Variants in ELF1 observed in about 807,000 individuals in gnomAD.
The protein encoded by ELF1 is ETS-related transcription factor Elf-1.
In ELF1, 24 loss-of-function variants were observed where a neutral mutation model predicts 59.9. That is an observed-to-expected ratio of 0.40 (90% CI 0.29 to 0.56). The LOEUF (loss-of-function observed/expected upper bound fraction) is 0.56, where lower values mean the gene tolerates loss of function less well. Among genes scored for constraint, ELF1 ranks in the 20% least tolerant of loss-of-function variants. ELF1 has a pLI of 0.44. For synonymous variants in ELF1, 248 were observed against 266.2 expected (o/e 0.93, Z 0.67); for missense variants, 627 against 742.2 (o/e 0.84, Z 1.80).
At chr13:41,045,483 T>A (rs1432258711) in intron 1 of ELF1, among the ~76,000 whole-genome samples, 1 of 152,220 alleles carries the variant, frequency 6.6e-6, no homozygotes, top group Non-Finnish European at 1.5e-5. Flanking sequence ...GATTCTGGTA[T>A]GTTGTGTCTT....
At position 40,940,989 on chromosome 13, in the gene ELF1, T is replaced by C. The variant is rs75773811; in HGVS notation, c.1188A>G (p.Pro396=). The C allele has an allele frequency of 3.6e-4, 577 of 1,614,218 alleles. 1 individual carries two copies. In the African/African-American group the frequency reaches 6.1e-3, roughly 17 times the overall value. ...VHVVQPVQAV[P]EGEAARTSTM... is the part of the protein sequence containing the mutation. ...TACTGGTTCTAGCTGCTTCTCCCTC[T>C]GGGACAGCCTGTACTGGCTGTACTA... The change falls in exon 8 of 9, where the codon CCA becomes CCG. Residue 396 remains proline (P), a synonymous_variant. Coordinates refer to ENST00000239882, the MANE Select transcript of ELF1 (RefSeq NM_172373.4).
intron 3 of ELF1, among the ~76,000 whole-genome samples, chr13:40,955,949 G>C (rs1341623315): frequency 1.8e-5 from 2 of 113,068 alleles, no homozygotes; most frequent in South Asian, 3.0e-4. Flanking sequence ...GGAGGGAGGC[G>C]GGGGGGTCAG....
intron 8 of ELF1, among the ~76,000 whole-genome samples, chr13:40,936,769 A>G (rs542533916): frequency 6.7e-6 from 1 of 149,416 alleles, no homozygotes; most frequent in East Asian, 1.9e-4. Flanking sequence ...TCAAAAAAAA[A>G]AAAAAAAAGA....
At chr13:40,970,196 C>T (rs1872441586) in intron 2 of ELF1, among the ~76,000 whole-genome samples, 2 of 152,086 alleles carry the variant, frequency 1.3e-5, no homozygotes, top group African/African-American at 4.8e-5. Flanking sequence ...AGGAAATTAA[C>T]GAACAGCTAA....
At chr13:41,026,180 A>T (rs1263603346) in intron 1 of ELF1, among the ~76,000 whole-genome samples, 1 of 152,198 alleles carries the variant, frequency 6.6e-6, no homozygotes, top group Non-Finnish European at 1.5e-5. Flanking sequence ...AATAAATCTG[A>T]CTAAAATTCA....
At chr13:40,942,803 T>G in intron 7 of ELF1, 149 bp downstream of exon 7, 124 of 812,836 alleles carry the variant, frequency 1.5e-4, no homozygotes, top group Non-Finnish European at 1.8e-4. Flanking sequence ...ATTACAGGCA[T>G]GAGCCACCGC....
intron 2 of ELF1, among the ~76,000 whole-genome samples, chr13:40,960,534 T>C (rs1421888724): frequency 6.6e-6 from 1 of 152,240 alleles, no homozygotes; most frequent in African/African-American, 2.4e-5. Context: ...TTCTTTCAAA[T>C]ATATCATGTC....
chr13:41,032,165 T>C (rs1485253104), intron 1 of ELF1, among the ~76,000 whole-genome samples: 1 of 151,760 alleles, frequency 6.6e-6, no homozygotes, highest in Non-Finnish European at 1.5e-5. Flanking sequence ...CCTCTTATTT[T>C]AAACCAGGCT....
chr13:40,988,421 C>A (rs1175610337), intron 1 of ELF1, among the ~76,000 whole-genome samples: 1 of 152,152 alleles, frequency 6.6e-6, no homozygotes, highest in South Asian at 2.1e-4. Context: ...TTTTCCTTAG[C>A]AGAATATCTG....
chr13:40,941,321 C>G lies in ELF1; in HGVS notation c.856G>C (p.Val286Leu). The change falls in exon 8 of 9, where the codon GTG becomes CTG. Residue 286 changes from valine to leucine, a missense_variant. Around this residue, in one of 3 missense-constraint regions of ELF1, gnomAD observed 361 missense variants for 396.1 expected, o/e 0.91. Transcript: ENST00000239882. Reference sequence around the variant, plus strand: ...TTTGGCATTTCTTTAAACTGATACACCAAGCGCTGACCTTCCACTTTTGCC... The same window carrying G: ...TTTGGCATTTCTTTAAACTGATACAGCAAGCGCTGACCTTCCACTTTTGCC... ...ILAKVEGQRL[V>L]YQFKEMPKDL... 1.2e-6 allele frequency: 2 copies of G among 1,612,670 alleles called. No individual in the cohort carries two copies. The highest frequency in any genetic ancestry group is 1.7e-6 in the Non-Finnish European group (2 of 1,179,722).
At chr13:41,017,874 A>G (rs978536794) in intron 1 of ELF1, among the ~76,000 whole-genome samples, 13 of 152,222 alleles carry the variant, frequency 8.5e-5, no homozygotes, top group African/African-American at 2.7e-4. Context: ...TGCTTACTCA[A>G]AGGCTGACTA....
Position 40,959,005 on chromosome 13 carries a change from TG to T in ELF1, c.83del (p.Pro28GlnfsTer7). The T allele has an allele frequency of 6.2e-7, 1 of 1,610,822 alleles. No individual in the cohort carries two copies. Among genetic ancestry groups the T allele is most frequent in the Non-Finnish European group, 8.5e-7 (1 of 1,178,480 alleles). On this transcript the variant is annotated frameshift_variant, in exon 3 of 9. Transcript: ENST00000239882. LOFTEE classifies it high-confidence loss of function. ...VMEDERQLGD[P>X]AIFPAVIVEH... ...CCACAATTACGGCAGGAAAAATAGC[TG>T]GATCACCAAGCTGGGAAGGGTTAGG...
chr13:41,031,792 C>T (rs1876171229), intron 1 of ELF1, among the ~76,000 whole-genome samples: 1 of 139,968 alleles, frequency 7.1e-6, no homozygotes, highest in Non-Finnish European at 1.5e-5. Flanking sequence ...GCACTCCAGC[C>T]TGGGCAACAG....
In ELF1 at chr13:41,000,333, G is replaced by A. The variant is rs191556725; in HGVS notation, c.-228-18051C>T. Among the ~76,000 whole-genome samples, 302 of 128,598 alleles carry A rather than the reference G, an allele frequency of 2.3e-3. 5 individuals are homozygous for A. Among genetic ancestry groups the A allele is most frequent in the East Asian group, 1.7e-3 (7 of 4,138 alleles). 84.4% of individuals were successfully genotyped at this position (128,598 alleles called of 152,430 possible). A position where few individuals can be genotyped will look rare whatever the true frequency, so the allele number is the denominator to read the frequency against. On this transcript the variant is annotated intron_variant, in intron 1 of 8. Transcript: ENST00000239882. ...TGTCATTATCTCCAGCAATTCTCCC[G>A]CTGCCTCAGCCTCTGGAGTAGCTGG... is the stretch of plus-strand genomic sequence containing the variant.
At chr13:40,980,839 A>T (rs942825653) in intron 2 of ELF1, among the ~76,000 whole-genome samples, 1 of 152,170 alleles carries the variant, frequency 6.6e-6, no homozygotes, top group Non-Finnish European at 1.5e-5. Context: ...GATTAAATCC[A>T]TATCACTATT....
upstream of ELF1, among the ~76,000 whole-genome samples, chr13:41,023,513 C>A (rs187119641): frequency 1.3e-5 from 2 of 152,302 alleles, no homozygotes; most frequent in East Asian, 3.9e-4. Context: ...ATCTTTCAAT[C>A]ATGCAGAATT....
chr13:40,996,480 T>C (rs904875864), intron 1 of ELF1, among the ~76,000 whole-genome samples: 4 of 152,156 alleles, frequency 2.6e-5, no homozygotes, highest in African/African-American at 9.7e-5. Context: ...TAAAGAGAAA[T>C]AAGCTATCAA....
chr13:41,047,017 C>T (rs1409437367), intron 1 of ELF1, among the ~76,000 whole-genome samples: 1 of 152,100 alleles, frequency 6.6e-6, no homozygotes. Context: ...TCTCTTCTCG[C>T]TTCATTTATT....
chr13:40,963,953 T>C (rs1483206702), intron 2 of ELF1, among the ~76,000 whole-genome samples: 17 of 151,754 alleles, frequency 1.1e-4, no homozygotes, highest in Admixed American at 1.0e-3. Flanking sequence ...GGTAAGAGGC[T>C]TGAATCTGTA....
Sources: gnomAD v4.1 joint callset for allele counts (sites outside exome capture counted in the v4.1 genomes callset) on GRCh38, gnomAD v4.1.1 for gene constraint, gnomAD v4.1.1 regional missense constraint, MANE v1.5 for transcripts, NCBI Gene and HGNC (gene_info 2026-07-23, HGNC 2026-07-21) for gene names.